The following MICAL3 variants were observed in gnomAD, a reference collection of about 807,000 sequenced individuals.
The protein encoded by MICAL3 is [F-actin]-monooxygenase MICAL3.
MICAL3 carries 62 observed loss-of-function variants against 207.4 expected under a neutral mutation model. That is an observed-to-expected ratio of 0.30 (90% CI 0.24 to 0.37). The LOEUF is 0.37. Among genes scored for constraint, MICAL3 ranks in the 10% least tolerant of loss-of-function variants. MICAL3 has a pLI of 1.00. For missense variants in MICAL3, 2,368 were observed against 2,635.6 expected (o/e 0.90, Z 2.22); for synonymous variants, 1,077 against 1,069.3 (o/e 1.01, Z -0.14).
In MICAL3 at chr22:17,885,968, C is replaced by T. The variant is rs757292768; in HGVS notation, c.2151G>A (p.Gly717=). Residue 717 remains glycine (G), a synonymous_variant, in exon 16 of 32, where the codon GGG becomes GGA. Coordinates refer to ENST00000441493, the MANE Select transcript of MICAL3 (RefSeq NM_015241.3). The part of the protein sequence containing the change: ...LTDRRMDVAV[G]NQNKVKYMAT... ...CCATGTACTTCACTTTGTTCTGGTT[C>T]CCAACGGCAACGTCCATCCTCCTGT... 2.5e-6 allele frequency: 4 copies of T among 1,613,894 alleles called. No individual in the cohort carries two copies. In the African/African-American group the frequency reaches 5.3e-5, roughly 22 times the overall value.
chr22:17,854,545 G>C (rs1925698748), intron 19 of MICAL3, among the ~76,000 whole-genome samples: 1 of 151,982 alleles, frequency 6.6e-6, no homozygotes, highest in Non-Finnish European at 1.5e-5. Flanking sequence ...CTCTGGGCTT[G>C]CCGTCCACAG....
chr22:17,988,959 T>C (rs1334953036), intron 1 of MICAL3, among the ~76,000 whole-genome samples: 1 of 152,184 alleles, frequency 6.6e-6, no homozygotes, highest in Non-Finnish European at 1.5e-5. Context: ...AACCAGCTCA[T>C]GGAACCTAAA....
chr22:17,958,329 C>T (rs1273867479), intron 1 of MICAL3, among the ~76,000 whole-genome samples: 1 of 152,178 alleles, frequency 6.6e-6, no homozygotes, highest in Middle Eastern at 3.2e-3. Context: ...CCCTAAAAAC[C>T]GTCAGAGAGA....
At chr22:17,919,947 C>G (rs1932760333) in intron 1 of MICAL3, among the ~76,000 whole-genome samples, 1 of 152,372 alleles carries the variant, frequency 6.6e-6, no homozygotes, top group South Asian at 2.1e-4. Context: ...CAGCCCACTA[C>G]CCCAGAGACG....
chr22:17,792,496 G>A (rs1248158843), intron 29 of MICAL3, among the ~76,000 whole-genome samples: 1 of 152,192 alleles, frequency 6.6e-6, no homozygotes, highest in East Asian at 1.9e-4. Flanking sequence ...ACAAGCCCAG[G>A]AGTGTGAGGA....
At chr22:17,861,003 G>C (rs1377327376) in intron 19 of MICAL3, 1 of 985,068 alleles carries the variant, frequency 1.0e-6, no homozygotes, top group African/African-American at 1.7e-5. Context: ...ATACAAACGT[G>C]TACCTATATA....
intron 1 of MICAL3, among the ~76,000 whole-genome samples, chr22:17,920,036 CA>C (rs1048610393): frequency 2.0e-5 from 3 of 152,236 alleles, no homozygotes; most frequent in Admixed American, 2.0e-4. Context: ...GAAGCTGCCA[CA>C]AGCCCAGGTG....
chr22:17,896,165 A>G lies in MICAL3; in HGVS notation c.1322+81T>C, dbSNP rs925246954. ...AGAAGGCAGAGAAAGAAGAAGGAAG[A>G]ACTTGCACTCTGCCTGAAGAGTAAA... On this transcript the variant is annotated intron_variant, in intron 9 of 31. Coordinates refer to ENST00000441493, the MANE Select transcript of MICAL3 (RefSeq NM_015241.3). 8 of 716,994 alleles carry G rather than the reference A, an allele frequency of 1.1e-5. No homozygotes were observed. In the Admixed American group the frequency reaches 1.3e-4, roughly 11 times the overall value. 44.4% of individuals were successfully genotyped at this position (716,994 alleles called of 1,614,324 possible).
chr22:17,826,701 T>TGAGAA (rs61346013), intron 22 of MICAL3, among the ~76,000 whole-genome samples: 43,920 of 151,684 alleles, frequency 0.29, 6,752 homozygotes, highest in Non-Finnish European at 0.34. Context: ...AGAATCAGGA[T>TGAGAA]GAGAAGAGAA....
intron 1 of MICAL3, among the ~76,000 whole-genome samples, chr22:17,970,239 T>C (rs1935339554): frequency 6.6e-6 from 1 of 152,244 alleles, no homozygotes; most frequent in Admixed American, 6.5e-5. Context: ...GCCCATGTTG[T>C]TGAATGGGAT....
chr22:17,869,111 T>C (rs564701955), intron 17 of MICAL3, among the ~76,000 whole-genome samples: 7 of 152,190 alleles, frequency 4.6e-5, no homozygotes, highest in South Asian at 2.1e-4. Flanking sequence ...GGCTTCATCA[T>C]GCTTATGGGA....
At chr22:17,806,419 A>G (rs2061990091) in intron 29 of MICAL3, among the ~76,000 whole-genome samples, 2 of 151,888 alleles carry the variant, frequency 1.3e-5, no homozygotes, top group Admixed American at 1.3e-4. Context: ...GAGGAATAGG[A>G]ACTGCTGTTA....
chr22:18,020,499 T>C (rs900566628), intron 1 of MICAL3, among the ~76,000 whole-genome samples: 1 of 151,144 alleles, frequency 6.6e-6, no homozygotes, highest in Non-Finnish European at 1.5e-5. Flanking sequence ...TAAAATAATG[T>C]AATCATCAAA....
intron 1 of MICAL3, among the ~76,000 whole-genome samples, chr22:17,926,976 A>G (rs958668551): frequency 2.0e-5 from 3 of 152,230 alleles, no homozygotes; most frequent in Non-Finnish European, 4.4e-5. Context: ...TAATTGTACA[A>G]TTCAGTGGTA....
rs80296902 is a variant in MICAL3 at position 17,941,166 on chromosome 22, C to G, written c.-74-34280G>C. 8.9e-3 allele frequency among the ~76,000 whole-genome samples: 1,352 copies of G among 152,312 alleles called. 20 individuals are homozygous for G. Among genetic ancestry groups the G allele is most frequent in the African/African-American group, 0.03 (1,247 of 41,548 alleles). On this transcript the variant is annotated intron_variant, in intron 1 of 31. Transcript: ENST00000441493. ...TTCACCTGCTCTCTTCGTCTCATAA[C>G]AAGTCTTCACTCAGAACTGCTCCAC...
rs547952560 is a variant in MICAL3 at position 17,861,550 on chromosome 22, G to A, written c.2605+3349C>T. 133 of 985,332 alleles carry A rather than the reference G, an allele frequency of 1.3e-4. 1 individual carries two copies. In the African/African-American group the frequency reaches 2.1e-3, roughly 16 times the overall value. 61.0% of individuals were successfully genotyped at this position (985,332 alleles called of 1,614,324 possible). A position where few individuals can be genotyped will look rare whatever the true frequency, so the allele number is the denominator to read the frequency against. On this transcript the variant is annotated intron_variant, in intron 19 of 31. Transcript: ENST00000441493. Reference sequence around the variant, plus strand: ...AAAGAGGATTCCTCTGGACAAAAACGAATTCAAGAAACCTGTAACTAAACT... The same window carrying A: ...AAAGAGGATTCCTCTGGACAAAAACAAATTCAAGAAACCTGTAACTAAACT...
chr22:17,868,221 T>C (rs1290978824), intron 17 of MICAL3, among the ~76,000 whole-genome samples: 1 of 151,884 alleles, frequency 6.6e-6, no homozygotes, highest in Admixed American at 6.6e-5. Context: ...ACCCACCTCA[T>C]AGGTGGAGAT....
rs1569110732 is a variant in MICAL3, at chr22:17,877,520, T to TAGGGAGGTTATGGAGGTG, written c.2242-5498_2242-5497insCACCTCCATAACCTCCCT. 1.4e-4 allele frequency among the ~76,000 whole-genome samples: 16 copies of TAGGGAGGTTATGGAGGTG among 118,132 alleles called. 1 individual carries two copies. In the East Asian group the frequency reaches 3.8e-3, roughly 28 times the overall value. 77.5% of individuals were successfully genotyped at this position (118,132 alleles called of 152,430 possible). The stretch of plus-strand genomic sequence containing the variant: ...GGGAGGTTATGGAGGTTAGGGAGGT[T>TAGGGAGGTTATGGAGGTG]AGGGAGGTGAGGGAGGTTATGGAGG... On this transcript the variant is annotated intron_variant, in intron 16 of 31. Transcript: ENST00000441493.
chr22:17,900,369 G>A lies in MICAL3; in HGVS notation c.847+473C>T, dbSNP rs549002203. On this transcript the variant is annotated intron_variant, in intron 6 of 31. Transcript: ENST00000441493. The surrounding 1 kb of genome is among the most constrained non-coding windows in gnomAD (Gnocchi z 4.0). ...CACGCTTGTAATCCTAGCACTTTGG[G>A]AGGCTGAGGCAGGTGGAGCCCAGGA... 3.9e-5 allele frequency among the ~76,000 whole-genome samples: 6 copies of A among 152,312 alleles called. No homozygotes were observed. Among genetic ancestry groups the A allele is most frequent in the South Asian group, 2.1e-4 (1 of 4,828 alleles).
Sources: gnomAD v4.1 joint callset for allele counts (sites outside exome capture counted in the v4.1 genomes callset) on GRCh38, gnomAD v4.1.1 for gene constraint, Gnocchi (gnomAD v3.1) non-coding constraint, MANE v1.5 for transcripts, NCBI Gene and HGNC (gene_info 2026-07-23, HGNC 2026-07-21) for gene names.